The following CCSER1 variants were observed in gnomAD, a reference collection of about 807,000 sequenced individuals.
CCSER1 encodes the protein serine-rich coiled-coil domain-containing protein 1.
CCSER1 carries 41 observed loss-of-function variants against 82.0 expected under a neutral mutation model. The ratio of observed to expected loss-of-function variants is 0.50; its 90% CI spans 0.39 to 0.65. The LOEUF is 0.65. Among genes scored for constraint, CCSER1 ranks in the 30% least tolerant of loss-of-function variants. The probability of loss-of-function intolerance (pLI) is 0.00; values close to 1 mark genes in which losing one functional copy is unlikely to be tolerated. For missense variants in CCSER1, 1,119 were observed against 1,064.2 expected, an observed-to-expected ratio of 1.05 and a Z score of -0.72; for synonymous variants, 414 against 383.9, an observed-to-expected ratio of 1.08 and a Z score of -0.92.
Position 90,433,575 on chromosome 4 carries a change from C to A in CCSER1, c.1603+33446C>A, listed in dbSNP as rs367706462. 2.6e-5 allele frequency among the ~76,000 whole-genome samples: 4 copies of A among 152,186 alleles called. No individual in the cohort carries two copies. The South Asian group carries it at 6.2e-4, about 24-fold the overall frequency. On this transcript the variant is annotated intron_variant, in intron 4 of 10. Coordinates refer to ENST00000509176, the MANE Select transcript of CCSER1 (RefSeq NM_001145065.2). ...GATAATGACAGCAGTACCATCAAAT[C>A]TTAGCATAGTGACTCACACCGAGTA...
At chr4:91,434,021 G>C (rs1333056763) in intron 10 of CCSER1, among the ~76,000 whole-genome samples, 1 of 152,170 alleles carries the variant, frequency 6.6e-6, no homozygotes, top group Non-Finnish European at 1.5e-5. Flanking sequence ...CTTGAGGAAG[G>C]AGCTCCTGAC....
chr4:90,326,055 C>CTT (rs371592827), intron 3 of CCSER1, among the ~76,000 whole-genome samples: 5,879 of 111,552 alleles, frequency 0.053, 363 homozygotes, highest in African/African-American at 0.088. Flanking sequence ...TATGTGATAC[C>CTT]TTTTTTTTTT....
intron 10 of CCSER1, among the ~76,000 whole-genome samples, chr4:91,560,420 G>A (rs940692509): frequency 7.9e-5 from 12 of 151,374 alleles, no homozygotes; most frequent in Non-Finnish European, 1.3e-4. Flanking sequence ...TGACTAAATG[G>A]ATTATCCCAT....
intron 10 of CCSER1, among the ~76,000 whole-genome samples, chr4:91,282,721 C>A (rs1743007304): frequency 6.6e-6 from 1 of 152,024 alleles, no homozygotes; most frequent in South Asian, 2.1e-4. Flanking sequence ...AGGTCCAAGG[C>A]CTTAATATTA....
chr4:90,549,904 T>C (rs1173881246), intron 5 of CCSER1, among the ~76,000 whole-genome samples: 2 of 151,810 alleles, frequency 1.3e-5, no homozygotes, highest in South Asian at 4.2e-4. Context: ...TAAACAATTA[T>C]ATTGAATAAG....
chr4:91,374,141 A>C (rs969844270), intron 10 of CCSER1, among the ~76,000 whole-genome samples: 3 of 152,122 alleles, frequency 2.0e-5, no homozygotes. Flanking sequence ...GAGGATGTAG[A>C]AGCTGCAGCA....
intron 7 of CCSER1, among the ~76,000 whole-genome samples, chr4:90,748,875 T>G (rs7440884): frequency 0.59 from 85,256 of 144,548 alleles, 25,563 homozygotes; most frequent in African/African-American, 0.67. Flanking sequence ...CCCACTTTTT[T>G]ATGGGGTTGT....
chr4:91,242,171 A>G (rs1164804539), intron 10 of CCSER1, among the ~76,000 whole-genome samples: 1 of 152,188 alleles, frequency 6.6e-6, no homozygotes, highest in Non-Finnish European at 1.5e-5. Flanking sequence ...TGTGTTTGAG[A>G]AAGAAGATAT....
At chr4:90,911,132 T>A in intron 8 of CCSER1, 1 of 365,600 alleles carries the variant, frequency 2.7e-6, no homozygotes, top group Non-Finnish European at 5.3e-6. Flanking sequence ...AATTCCAATA[T>A]CCATTGTTAA....
At chr4:90,798,293 G>T (rs1756313134) in intron 7 of CCSER1, among the ~76,000 whole-genome samples, 1 of 151,988 alleles carries the variant, frequency 6.6e-6, no homozygotes, top group African/African-American at 2.4e-5. Flanking sequence ...ATTGCATTAT[G>T]AAATTCCTGT....
chr4:90,274,073 A>G (rs973230437), intron 1 of CCSER1, among the ~76,000 whole-genome samples: 7 of 152,218 alleles, frequency 4.6e-5, no homozygotes, highest in Non-Finnish European at 1.0e-4. Flanking sequence ...GTAGGTGCAT[A>G]CTACTCATGT....
chr4:91,102,070 A>G (rs1725123661), intron 10 of CCSER1, among the ~76,000 whole-genome samples: 1 of 152,230 alleles, frequency 6.6e-6, no homozygotes, highest in South Asian at 2.1e-4. Flanking sequence ...AACATGTTTC[A>G]GACAGAGGAG....
intron 5 of CCSER1, among the ~76,000 whole-genome samples, chr4:90,496,117 A>C (rs1198065123): frequency 6.6e-6 from 1 of 152,180 alleles, no homozygotes; most frequent in African/African-American, 2.4e-5. Context: ...TTAATAGATA[A>C]CATTGGTTCT....
intron 10 of CCSER1, among the ~76,000 whole-genome samples, chr4:91,358,654 G>C (rs1749033131): frequency 6.6e-6 from 1 of 152,154 alleles, no homozygotes; most frequent in South Asian, 2.1e-4. Flanking sequence ...CTTCCACTCA[G>C]ATGGAGTGAG....
At chr4:91,309,126 A>G (rs765121112) in intron 10 of CCSER1, among the ~76,000 whole-genome samples, 1 of 151,978 alleles carries the variant, frequency 6.6e-6, no homozygotes, top group African/African-American at 2.4e-5. Flanking sequence ...CATATTTTCA[A>G]ATACAAAAAG....
rs555664564 is a variant in CCSER1 at position 90,836,408 on chromosome 4, A to G, written c.2094+20563A>G. On this transcript the variant is annotated intron_variant, in intron 8 of 10. Transcript: ENST00000509176. ...ATATTCTTCTGAGCTTCTTTGACTC[A>G]CAAGCTTTGCTTTGAGAGTCACCTT... is the stretch of plus-strand genomic sequence containing the variant. Among the ~76,000 whole-genome samples the G allele has an allele frequency of 2.6e-5, 4 of 151,952 alleles. No homozygotes were observed. In the South Asian group the frequency reaches 8.3e-4, roughly 32 times the overall value.
At chr4:91,406,032 C>T (rs149485278) in intron 10 of CCSER1, among the ~76,000 whole-genome samples, 2 of 152,164 alleles carry the variant, frequency 1.3e-5, no homozygotes, top group Non-Finnish European at 2.9e-5. Context: ...ATATTCTTAT[C>T]CATACAACAA....
chr4:90,696,362 G>A (rs1414301059), intron 6 of CCSER1, among the ~76,000 whole-genome samples: 1 of 151,526 alleles, frequency 6.6e-6, no homozygotes, highest in Non-Finnish European at 1.5e-5. Flanking sequence ...TAATATGCTG[G>A]TATTTTACTA....
At chr4:91,399,471 C>T (rs1034201227) in intron 10 of CCSER1, among the ~76,000 whole-genome samples, 7 of 151,934 alleles carry the variant, frequency 4.6e-5, no homozygotes, top group African/African-American at 1.7e-4. Context: ...ATTTTTATCC[C>T]TATATTTTAT....
Sources: gnomAD v4.1 joint callset for allele counts (sites outside exome capture counted in the v4.1 genomes callset) on GRCh38, gnomAD v4.1.1 for gene constraint, MANE v1.5 for transcripts, NCBI Gene and HGNC (gene_info 2026-07-23, HGNC 2026-07-21) for gene names.